AUTS2: variants seen among roughly 807,000 people sequenced by gnomAD.
The protein encoded by AUTS2 is autism susceptibility gene 2 protein.
In AUTS2, 17 loss-of-function variants were observed where a neutral mutation model predicts 112.4. The ratio of observed to expected loss-of-function variants is 0.15; its 90% CI spans 0.10 to 0.23. The LOEUF (loss-of-function observed/expected upper bound fraction) is 0.23, where lower values mean the gene tolerates loss of function less well. Ranked by LOEUF, AUTS2 falls within the 10% of genes least tolerant of loss-of-function variation. The probability of loss-of-function intolerance (pLI) is 1.00; values close to 1 mark genes in which losing one functional copy is unlikely to be tolerated. For missense variants in AUTS2, 1,510 were observed against 1,701.6 expected, an observed-to-expected ratio of 0.89 and a Z score of 1.98; for synonymous variants, 751 against 702.7, an observed-to-expected ratio of 1.07 and a Z score of -1.09.
At chr7:70,107,818 C>A (rs1804852325) in intron 2 of AUTS2, among the ~76,000 whole-genome samples, 1 of 150,836 alleles carries the variant, frequency 6.6e-6, no homozygotes. Flanking sequence ...TAGAGACCAT[C>A]CTGGCCAACA....
intron 1 of AUTS2, among the ~76,000 whole-genome samples, chr7:69,809,498 ACTT>A (rs1790453683): frequency 6.6e-6 from 1 of 152,164 alleles, no homozygotes; most frequent in Non-Finnish European, 1.5e-5. Flanking sequence ...GGAAATCTAT[ACTT>A]CTCTTCAAAT....
At chr7:70,247,432 G>A (rs903617296) in intron 4 of AUTS2, among the ~76,000 whole-genome samples, 1 of 152,070 alleles carries the variant, frequency 6.6e-6, no homozygotes, top group African/African-American at 2.4e-5. Flanking sequence ...AAAATTTCTG[G>A]AGCTGGATGG....
chr7:70,643,338 C>T (rs188596764), intron 5 of AUTS2, among the ~76,000 whole-genome samples: 2 of 152,148 alleles, frequency 1.3e-5, no homozygotes, highest in East Asian at 3.9e-4. Context: ...TCTGGGAGGC[C>T]GAGGTGGGCA....
intron 4 of AUTS2, among the ~76,000 whole-genome samples, chr7:70,235,898 T>C (rs1022446269): frequency 8.5e-5 from 13 of 152,170 alleles, no homozygotes; most frequent in African/African-American, 2.9e-4. Flanking sequence ...GACCTCGTGG[T>C]CCGCCCACCT....
intron 5 of AUTS2, among the ~76,000 whole-genome samples, chr7:70,482,033 T>G (rs1797807507): frequency 6.6e-6 from 1 of 152,150 alleles, no homozygotes. Context: ...CTGGGAATAT[T>G]TATGAGGTTA....
intron 1 of AUTS2, among the ~76,000 whole-genome samples, chr7:69,703,917 C>A (rs530445513): frequency 1.3e-5 from 2 of 152,096 alleles, no homozygotes; most frequent in South Asian, 2.1e-4. Context: ...AAAATAGTAA[C>A]CTGGCTAGTT....
intron 1 of AUTS2, among the ~76,000 whole-genome samples, chr7:69,625,788 A>G (rs1455274400): frequency 6.6e-6 from 1 of 151,972 alleles, no homozygotes; most frequent in African/African-American, 2.4e-5. Context: ...AGCCCAGGAG[A>G]TTGAAGCTGC....
intron 1 of AUTS2, among the ~76,000 whole-genome samples, chr7:69,891,911 A>G (rs1794542982): frequency 7.0e-6 from 1 of 143,286 alleles, no homozygotes; most frequent in South Asian, 2.3e-4. Context: ...CTCCTGCCTC[A>G]GCCTCCGAGT....
At chr7:70,313,563 T>C (rs545064908) in intron 4 of AUTS2, among the ~76,000 whole-genome samples, 94 of 152,296 alleles carry the variant, frequency 6.2e-4, no homozygotes, top group African/African-American at 1.9e-3. Context: ...GATGCTGACA[T>C]TGGCACAATA....
chr7:69,986,796 T>G (rs73168787), intron 2 of AUTS2, among the ~76,000 whole-genome samples: 344 of 152,344 alleles, frequency 2.3e-3, no homozygotes, highest in Non-Finnish European at 3.6e-3. Context: ...ATATGCTGTA[T>G]GCTACCCTGT....
chr7:70,405,045 A>C (rs917018059), intron 4 of AUTS2, among the ~76,000 whole-genome samples: 1 of 152,318 alleles, frequency 6.6e-6, no homozygotes, highest in Middle Eastern at 3.4e-3. Flanking sequence ...GGGGAAATGC[A>C]AATATAAGCT....
intron 4 of AUTS2, among the ~76,000 whole-genome samples, chr7:70,384,546 C>A (rs763578128): frequency 5.3e-5 from 8 of 152,216 alleles, no homozygotes; most frequent in Non-Finnish European, 1.0e-4. Flanking sequence ...AGATGACTGC[C>A]ATTCCAGCTC....
At chr7:69,672,238 T>C (rs1042635390) in intron 1 of AUTS2, among the ~76,000 whole-genome samples, 2 of 152,002 alleles carry the variant, frequency 1.3e-5, no homozygotes, top group East Asian at 3.9e-4. Flanking sequence ...TTTGTATTTT[T>C]AGTAGAGACG....
At chr7:70,170,901 C>T (rs1005555780) in intron 4 of AUTS2, among the ~76,000 whole-genome samples, 7 of 152,172 alleles carry the variant, frequency 4.6e-5, no homozygotes, top group African/African-American at 7.2e-5. Context: ...CCACCGCCCC[C>T]GGCCGGGGCA....
intron 5 of AUTS2, among the ~76,000 whole-genome samples, chr7:70,584,745 TGAA>T (rs1802606448): frequency 6.6e-6 from 1 of 152,240 alleles, no homozygotes; most frequent in South Asian, 2.1e-4. Flanking sequence ...GGCCTTGCTC[TGAA>T]GAAGGAAGGG....
At chr7:69,683,231 A>C (rs1796888157) in intron 1 of AUTS2, among the ~76,000 whole-genome samples, 1 of 152,146 alleles carries the variant, frequency 6.6e-6, no homozygotes, top group Non-Finnish European at 1.5e-5. Context: ...AAACGCAGCT[A>C]CCTGGCTGGT....
intron 2 of AUTS2, among the ~76,000 whole-genome samples, chr7:70,081,604 CT>C (rs1397071337): frequency 3.9e-5 from 6 of 151,908 alleles, no homozygotes; most frequent in African/African-American, 1.5e-4. Context: ...ACAAAATGGT[CT>C]TTTGCCTCTT....
intron 6 of AUTS2, among the ~76,000 whole-genome samples, chr7:70,725,816 T>C (rs2129551943): frequency 6.6e-6 from 1 of 152,300 alleles, no homozygotes; most frequent in East Asian, 1.9e-4. Context: ...CTGTCCTTAA[T>C]TGTCCTCCCC....
chr7:70,273,531 A>T (rs951276298), intron 4 of AUTS2, among the ~76,000 whole-genome samples: 2 of 151,960 alleles, frequency 1.3e-5, no homozygotes, highest in African/African-American at 4.8e-5. Flanking sequence ...CTATTTTCTT[A>T]CAATCTTTGT....
Sources: gnomAD v4.1 joint callset for allele counts (sites outside exome capture counted in the v4.1 genomes callset) on GRCh38, gnomAD v4.1.1 for gene constraint, MANE v1.5 for transcripts, NCBI Gene and HGNC (gene_info 2026-07-23, HGNC 2026-07-21) for gene names.